The following ATG5 variants were observed in gnomAD, a reference collection of about 807,000 sequenced individuals.
The protein encoded by ATG5 is autophagy protein 5.
ATG5 carries 14 observed loss-of-function variants against 36.5 expected under a neutral mutation model. The observed-to-expected ratio is 0.38, with a 90% CI of 0.25 to 0.60. The LOEUF is 0.60. Ranked by LOEUF, ATG5 falls within the 20% of genes least tolerant of loss-of-function variation. The pLI is 0.60. For synonymous variants in ATG5, 95 were observed against 101.5 expected (o/e 0.94, Z 0.38); for missense variants, 195 against 326.7 (o/e 0.60, Z 3.11).
At chr6:106,191,451 T>G (rs538950449) in intron 7 of ATG5, among the ~76,000 whole-genome samples, 2 of 152,292 alleles carry the variant, frequency 1.3e-5, no homozygotes, top group East Asian at 3.9e-4. Flanking sequence ...CCAGTTCCAG[T>G]ATCTGGGTCT....
chr6:106,269,684 G>A (rs991445214), intron 5 of ATG5, among the ~76,000 whole-genome samples: 66 of 152,342 alleles, frequency 4.3e-4, no homozygotes, highest in Middle Eastern at 3.4e-3. Flanking sequence ...CGGCAGGGCC[G>A]GCCGGCTGCT....
chr6:106,283,449 G>A (rs1033195366), intron 4 of ATG5: 2 of 152,120 alleles, frequency 1.3e-5, no homozygotes, highest in African/African-American at 4.8e-5. Context: ...AGGCTGGAGT[G>A]CAGTGGCTAC....
At chr6:106,204,364 T>C (rs1776551137) in intron 6 of ATG5, among the ~76,000 whole-genome samples, 1 of 152,180 alleles carries the variant, frequency 6.6e-6, no homozygotes, top group Non-Finnish European at 1.5e-5. Flanking sequence ...TATTTGAGTG[T>C]TTGTGACAAG....
At chr6:106,247,089 T>C (rs1235540772) in intron 6 of ATG5, among the ~76,000 whole-genome samples, 25 of 152,214 alleles carry the variant, frequency 1.6e-4, no homozygotes, top group Admixed American at 4.6e-4. Context: ...TCTGAACACA[T>C]AGTTATGTGA....
chr6:106,273,774 C>T (rs993911906), intron 5 of ATG5, among the ~76,000 whole-genome samples: 33 of 152,122 alleles, frequency 2.2e-4, no homozygotes, highest in Non-Finnish European at 3.8e-4. Context: ...AAAAACAAGG[C>T]AATGCAATGA....
At chr6:106,246,829 C>T (rs963647685) in intron 6 of ATG5, among the ~76,000 whole-genome samples, 2 of 152,196 alleles carry the variant, frequency 1.3e-5, no homozygotes, top group South Asian at 4.1e-4. Context: ...TACTGTGGAG[C>T]TCATGGTAAA....
intron 5 of ATG5, among the ~76,000 whole-genome samples, chr6:106,257,353 A>G (rs796916306): frequency 1.8e-4 from 28 of 152,362 alleles, no homozygotes; most frequent in African/African-American, 6.5e-4. Flanking sequence ...GTACATAATT[A>G]TATGTGCTAG....
intron 6 of ATG5, among the ~76,000 whole-genome samples, chr6:106,247,320 T>TA (rs913275511): frequency 3.3e-5 from 5 of 152,148 alleles, no homozygotes; most frequent in African/African-American, 7.2e-5. Context: ...TGCCATTCAT[T>TA]AAAAAAATAT....
chr6:106,197,228 G>C (rs2114337358), intron 7 of ATG5, among the ~76,000 whole-genome samples: 1 of 152,252 alleles, frequency 6.6e-6, no homozygotes, highest in East Asian at 1.9e-4. Flanking sequence ...GTGCAATAAG[G>C]TAGTCATTTG....
chr6:106,219,321 A>G (rs1777153905), intron 6 of ATG5, among the ~76,000 whole-genome samples: 1 of 152,194 alleles, frequency 6.6e-6, no homozygotes, highest in Non-Finnish European at 1.5e-5. Context: ...ACATGGTTAA[A>G]TGAAGTTCAA....
intron 6 of ATG5, among the ~76,000 whole-genome samples, chr6:106,220,644 A>ATTTTG (rs1777211021): frequency 6.6e-6 from 1 of 152,096 alleles, no homozygotes; most frequent in Admixed American, 6.6e-5. Flanking sequence ...ACCAAAAGCA[A>ATTTTG]CTCTCATATT....
At chr6:106,284,727 TG>T (rs1212584323) in intron 4 of ATG5, among the ~76,000 whole-genome samples, 1 of 148,516 alleles carries the variant, frequency 6.7e-6, no homozygotes, top group African/African-American at 2.4e-5. Flanking sequence ...GGGTTTTTTT[TG>T]TTTTTTTTTT....
intron 6 of ATG5, among the ~76,000 whole-genome samples, chr6:106,240,143 C>T (rs2114490472): frequency 6.6e-6 from 1 of 151,982 alleles, no homozygotes. Context: ...ATGTGTGCCA[C>T]TACGCCTGGC....
chr6:106,244,067 A>T (rs1778237695), intron 6 of ATG5, among the ~76,000 whole-genome samples: 1 of 151,552 alleles, frequency 6.6e-6, no homozygotes, highest in African/African-American at 2.4e-5. Context: ...GGTGCTTACC[A>T]CCCCATCCGG....
rs971233532 is a variant in ATG5 at position 106,204,998 on chromosome 6, A to G, written c.574-2909T>C. ...AGAGAAGAAAAGAAATGAATAGGGA[A>G]CTGTAGTGATAATTTAAAATAGCCA... is the stretch of plus-strand genomic sequence containing the variant. On this transcript the variant is annotated intron_variant, in intron 6 of 7. Coordinates refer to ENST00000369076, the MANE Select transcript of ATG5 (RefSeq NM_004849.4). Among the ~76,000 whole-genome samples, 5 of 152,306 alleles carry G rather than the reference A, an allele frequency of 3.3e-5. No individual in the cohort carries two copies. In the South Asian group the frequency reaches 8.3e-4, roughly 25 times the overall value.
chr6:106,253,957 T>TAC (rs1778698720), intron 5 of ATG5, among the ~76,000 whole-genome samples: 1 of 152,196 alleles, frequency 6.6e-6, no homozygotes, highest in South Asian at 2.1e-4. Flanking sequence ...AGCAGATTCC[T>TAC]ACCAGGCCCA....
intron 1 of ATG5, among the ~76,000 whole-genome samples, chr6:106,319,024 T>A (rs1453671147): frequency 6.6e-6 from 1 of 152,238 alleles, no homozygotes; most frequent in African/African-American, 2.4e-5. Context: ...GGAGCCAGAC[T>A]GTCTGGAGCC....
At chr6:106,283,498 T>C (rs908439259) in intron 4 of ATG5, 1 of 151,960 alleles carries the variant, frequency 6.6e-6, no homozygotes, top group Non-Finnish European at 1.5e-5. Context: ...CACGGGAGTT[T>C]TGACCTGCTC....
chr6:106,199,658 A>G (rs1028034879), intron 7 of ATG5, among the ~76,000 whole-genome samples: 3 of 152,224 alleles, frequency 2.0e-5, no homozygotes, highest in African/African-American at 7.2e-5. Flanking sequence ...AAAAATCATT[A>G]AATTATAAAA....
Sources: gnomAD v4.1 joint callset for allele counts (sites outside exome capture counted in the v4.1 genomes callset) on GRCh38, gnomAD v4.1.1 for gene constraint, MANE v1.5 for transcripts, NCBI Gene and HGNC (gene_info 2026-07-23, HGNC 2026-07-21) for gene names.